The following SIGLEC7 variants were observed in gnomAD, a reference collection of about 807,000 sequenced individuals.
The protein encoded by SIGLEC7 is sialic acid-binding Ig-like lectin 7.
Under a neutral mutation model 40.8 loss-of-function variants are expected in SIGLEC7, and 33 were observed. That is an observed-to-expected ratio of 0.81 (90% CI 0.61 to 1.08). The LOEUF is 1.08. Ranked by LOEUF, SIGLEC7 falls within the 50% of genes least tolerant of loss-of-function variation. The pLI is 0.00. For missense variants in SIGLEC7, 513 were observed against 576.1 expected, an observed-to-expected ratio of 0.89 and a Z score of 1.12; for synonymous variants, 242 against 237.6, an observed-to-expected ratio of 1.02 and a Z score of -0.17.
Position 51,142,384 on chromosome 19 carries a change from G to A in SIGLEC7, c.15G>A (p.Leu5=). 6.2e-7 allele frequency: 1 copy of A among 1,613,716 alleles called. No individual in the cohort carries two copies. MLLL[L]LLPLLWGRER... is the part of the protein sequence containing the mutation. ...CAACCCCAGATATGCTGCTGCTGCTGCTGCTGCCCCTGCTCTGGGGGAGGG... is the reference window on the plus strand; with the variant it reads ...CAACCCCAGATATGCTGCTGCTGCTACTGCTGCCCCTGCTCTGGGGGAGGG... The change falls in exon 1 of 7, where the codon CTG becomes CTA. Residue 5 remains leucine (L), a synonymous_variant. Transcript: ENST00000317643. This position sits in a 1 kb window ranked among gnomAD's most constrained non-coding sequence, Gnocchi z 5.0.
rs527883554 is a variant in SIGLEC7 at position 51,153,509 on chromosome 19, T to C, written c.*264T>C. 36 of 263,994 alleles carry C rather than the reference T, an allele frequency of 1.4e-4. No homozygotes were observed. In the Admixed American group the frequency reaches 1.6e-3, roughly 11 times the overall value. 16.4% of individuals were successfully genotyped at this position (263,994 alleles called of 1,614,324 possible). Reference sequence around the variant, plus strand: ...GGATGACTACTTTAGATTCCGAATATAGTGAGATTGTAACGTGTTTGTCTC... The same window carrying C: ...GGATGACTACTTTAGATTCCGAATACAGTGAGATTGTAACGTGTTTGTCTC... On this transcript the variant is annotated 3_prime_UTR_variant, in exon 7 of 7. Transcript: ENST00000317643.
intron 1 of SIGLEC7, among the ~76,000 whole-genome samples, chr19:51,143,595 A>G (rs1383974285): frequency 6.6e-6 from 1 of 151,930 alleles, no homozygotes; most frequent in Non-Finnish European, 1.5e-5. Flanking sequence ...ACCAGTTCCT[A>G]TAGCATGTGG....
chr19:51,151,905 C>T (rs902639823), intron 6 of SIGLEC7, among the ~76,000 whole-genome samples: 3 of 152,194 alleles, frequency 2.0e-5, no homozygotes, highest in Admixed American at 6.5e-5. Context: ...AGGGGAGCAG[C>T]AGGGAAGGGC....
chr19:51,144,047 G>A (rs2092088920), intron 1 of SIGLEC7: 1 of 584,252 alleles, frequency 1.7e-6, no homozygotes, highest in African/African-American at 1.9e-5. Context: ...GGAGACACGG[G>A]GCCGATTCCA....
In SIGLEC7 at chr19:51,153,307, G is replaced by A; in HGVS notation, c.*62G>A. ...GACCCCTCCAGCAAAGGAGTCTGAG[G>A]CTGATTCCAGTAGAATTAGCAGCCC... is the stretch of plus-strand genomic sequence containing the variant. On this transcript the variant is annotated 3_prime_UTR_variant, in exon 7 of 7. Transcript: ENST00000317643. 1 of 1,300,494 alleles carries A rather than the reference G, an allele frequency of 7.7e-7. No individual in the cohort carries two copies. The highest frequency in any genetic ancestry group is 1.0e-6 in the Non-Finnish European group (1 of 965,266). 80.6% of individuals were successfully genotyped at this position (1,300,494 alleles called of 1,614,324 possible).
Position 51,146,862 on chromosome 19 carries a change from C to A in SIGLEC7, c.1124+12C>A. On this transcript the variant is annotated intron_variant, in intron 5 of 6. Coordinates refer to ENST00000317643, the MANE Select transcript of SIGLEC7 (RefSeq NM_014385.4). ...GTCATCTTCATTGTGTGAGCACTGACCCTAGGGAGGGAGGGAGAGTCCTGG... is the reference window on the plus strand; with the variant it reads ...GTCATCTTCATTGTGTGAGCACTGAACCTAGGGAGGGAGGGAGAGTCCTGG... The A allele has an allele frequency of 1.9e-6, 3 of 1,610,876 alleles. No individual in the cohort carries two copies. Among genetic ancestry groups the A allele is most frequent in the Non-Finnish European group, 2.5e-6 (3 of 1,177,536 alleles).
chr19:51,144,211 A>T, intron 1 of SIGLEC7, 195 bp from the exon 2 acceptor site: 1 of 829,624 alleles, frequency 1.2e-6, no homozygotes, highest in Admixed American at 2.0e-5. Flanking sequence ...CAGATAAGGC[A>T]CAGGCTCCAG....
rs1212021422 is a variant in SIGLEC7 at position 51,144,406 on chromosome 19, C to T, written c.434C>T (p.Ala145Val). 6.2e-7 allele frequency: 1 copy of T among 1,606,080 alleles called. No homozygotes were observed. Among genetic ancestry groups the T allele is most frequent in the East Asian group, 2.2e-5 (1 of 44,868 alleles). ...KYDQLSVNVT[A>V]LTHRPNILIP... Reference sequence around the variant, plus strand: ...TCCTGAGTCCCCCTCTCTTCACCAGCCTTGACCCACAGGCCCAACATCCTT... The same window carrying T: ...TCCTGAGTCCCCCTCTCTTCACCAGTCTTGACCCACAGGCCCAACATCCTT... The change falls in exon 2 of 7, where the codon GCC becomes GTC. Residue 145 changes from alanine (A) to valine (V), a missense_variant and splice_region_variant. Transcript: ENST00000317643.
chr19:51,148,177 T>C (rs1451910159), intron 6 of SIGLEC7, among the ~76,000 whole-genome samples: 1 of 152,188 alleles, frequency 6.6e-6, no homozygotes, highest in Non-Finnish European at 1.5e-5. Context: ...GTAATTGTGA[T>C]AGTTTTAAAA....
chr19:51,152,988 A>G (rs1241975521), intron 6 of SIGLEC7, 75 bp from the exon 7 acceptor site: 1 of 1,306,818 alleles, frequency 7.7e-7, no homozygotes, highest in African/African-American at 1.5e-5. Flanking sequence ...CCAACCGATC[A>G]AACAACTTGT....
chr19:51,150,278 G>A (rs1019735581), intron 6 of SIGLEC7, among the ~76,000 whole-genome samples: 4 of 152,202 alleles, frequency 2.6e-5, no homozygotes, highest in African/African-American at 4.8e-5. Context: ...TGTTGGCTCT[G>A]CGTTCACCAT....
chr19:51,146,056 G>A lies in SIGLEC7; in HGVS notation c.962G>A (p.Arg321Gln), dbSNP rs374517970. ...GGGGATGAAGGGGAATTCACCTGTC[G>A]AGCTCAGAACTCTCTGGGTTCCCAG... ...HLGDEGEFTCRAQNSLGSQHV... is the reference protein window; with the variant it reads ...HLGDEGEFTCQAQNSLGSQHV... The change falls in exon 4 of 7, where the codon CGA becomes CAA. Residue 321 changes from arginine (R) to glutamine (Q), a missense_variant. Arg to Gln is a conservative substitution (Grantham distance 43). Coordinates refer to ENST00000317643, the MANE Select transcript of SIGLEC7 (RefSeq NM_014385.4). 60 of 1,614,088 alleles carry A rather than the reference G, an allele frequency of 3.7e-5. No homozygotes were observed. The highest frequency in any genetic ancestry group is 1.6e-4 in the Middle Eastern group (1 of 6,084).
In SIGLEC7 at chr19:51,142,875, C is replaced by T. The variant is rs1372457675; in HGVS notation, c.433+73C>T. 1 of 1,466,184 alleles carries T rather than the reference C, an allele frequency of 6.8e-7. No homozygotes were observed. Among genetic ancestry groups the T allele is most frequent in the African/African-American group, 1.4e-5 (1 of 70,806 alleles). The allele number at this position is 1,466,184 out of a possible 1,614,324, so 90.8% of individuals were successfully genotyped here. On this transcript the variant is annotated intron_variant, in intron 1 of 6. Coordinates refer to ENST00000317643, the MANE Select transcript of SIGLEC7 (RefSeq NM_014385.4). The surrounding 1 kb of genome is among the most constrained non-coding windows in gnomAD (Gnocchi z 5.0). The stretch of plus-strand genomic sequence containing the variant: ...TTTAGGGCACGGCTGAGACGGGACA[C>T]ATGTCCTGGGAGGGGGCCGGGGGTG...
Position 51,142,557 on chromosome 19 carries a change from G to A in SIGLEC7, c.188G>A (p.Gly63Asp), listed in dbSNP as rs755709963. 1 of 1,614,136 alleles carries A rather than the reference G, an allele frequency of 6.2e-7. No individual in the cohort carries two copies. The highest frequency in any genetic ancestry group is 8.5e-7 in the Non-Finnish European group (1 of 1,180,030). ...DSQTDSDPVH[G>D]YWFRAGNDIS... ...CAGACTGACTCTGACCCAGTTCATG[G>A]CTACTGGTTCCGGGCAGGGAATGAT... Residue 63 changes from glycine (G) to aspartate (D), a missense_variant, in exon 1 of 7, where the codon GGC becomes GAC. Physicochemically the swap from Gly to Asp is moderately conservative, Grantham distance 94. Coordinates refer to ENST00000317643, the MANE Select transcript of SIGLEC7 (RefSeq NM_014385.4). The surrounding 1 kb of genome is among the most constrained non-coding windows in gnomAD (Gnocchi z 5.0).
rs1337501997 is a variant in SIGLEC7 at position 51,146,864 on chromosome 19, C to G, written c.1124+14C>G. ...CATCTTCATTGTGTGAGCACTGACC[C>G]TAGGGAGGGAGGGAGAGTCCTGGGG... On this transcript the variant is annotated intron_variant, in intron 5 of 6. Coordinates refer to ENST00000317643, the MANE Select transcript of SIGLEC7 (RefSeq NM_014385.4). 2 of 1,610,406 alleles carry G rather than the reference C, an allele frequency of 1.2e-6. No homozygotes were observed. The highest frequency in any genetic ancestry group is 1.7e-6 in the Non-Finnish European group (2 of 1,177,216).
chr19:51,153,298 G>A lies in SIGLEC7; in HGVS notation c.*53G>A, dbSNP rs2092157292. 3.6e-6 allele frequency: 5 copies of A among 1,382,212 alleles called. No homozygotes were observed. The highest frequency in any genetic ancestry group is 4.8e-6 in the Non-Finnish European group (5 of 1,032,436). The allele number at this position is 1,382,212 out of a possible 1,614,324, so 85.6% of individuals were successfully genotyped here. On this transcript the variant is annotated 3_prime_UTR_variant, in exon 7 of 7. Coordinates refer to ENST00000317643, the MANE Select transcript of SIGLEC7 (RefSeq NM_014385.4). ...AGGGTTCACGACCCCTCCAGCAAAG[G>A]AGTCTGAGGCTGATTCCAGTAGAAT...
In SIGLEC7 at chr19:51,145,936, A is replaced by AT; in HGVS notation, c.843dup (p.Pro282SerfsTer34). On this transcript the variant is annotated frameshift_variant, in exon 4 of 7. Transcript: ENST00000317643. LOFTEE classifies it high-confidence loss of function. The surrounding 1 kb of genome is among the most constrained non-coding windows in gnomAD (Gnocchi z 4.3). The stretch of plus-strand genomic sequence containing the variant: ...CGCTTGGTCTGTGCTGTTGACAGCA[A>AT]TCCCCCTGCCAGGCTGAGCTGGACC... 1.2e-6 allele frequency: 2 copies of AT among 1,614,170 alleles called. No individual in the cohort carries two copies. The highest frequency in any genetic ancestry group is 1.7e-6 in the Non-Finnish European group (2 of 1,180,038).
chr19:51,149,636 AC>A (rs2122912753), intron 6 of SIGLEC7, among the ~76,000 whole-genome samples: 1 of 152,144 alleles, frequency 6.6e-6, no homozygotes, highest in East Asian at 1.9e-4. Flanking sequence ...CTATTTGGGC[AC>A]TTTTTTGGTT....
chr19:51,145,258 C>G lies in SIGLEC7; in HGVS notation c.760+299C>G. On this transcript the variant is annotated intron_variant, in intron 3 of 6. Coordinates refer to ENST00000317643, the MANE Select transcript of SIGLEC7 (RefSeq NM_014385.4). The surrounding 1 kb of genome is among the most constrained non-coding windows in gnomAD (Gnocchi z 4.3). ...TCCATCTCCTGAATATGCCACCTAA[C>G]TCGTCTTTTTATTTTACCCAATAGT... Among the ~76,000 whole-genome samples the G allele has an allele frequency of 6.6e-6, 1 of 152,222 alleles. No homozygotes were observed. The highest frequency in any genetic ancestry group is 1.9e-4 in the East Asian group (1 of 5,204).
Sources: gnomAD v4.1 joint callset for allele counts (sites outside exome capture counted in the v4.1 genomes callset) on GRCh38, gnomAD v4.1.1 for gene constraint, Gnocchi (gnomAD v3.1) non-coding constraint, MANE v1.5 for transcripts, NCBI Gene and HGNC (gene_info 2026-07-23, HGNC 2026-07-21) for gene names.